HGFAC: variants seen among roughly 807,000 people sequenced by gnomAD.
HGFAC encodes hepatocyte growth factor activator serine protease.
Under a neutral mutation model 70.6 loss-of-function variants are expected in HGFAC, and 76 were observed. The ratio of observed to expected loss-of-function variants is 1.08; its 90% CI spans 0.89 to 1.30. The LOEUF is 1.30. HGFAC is among the 50% of genes most tolerant of loss of function. The pLI is 0.00. For missense variants in HGFAC, 1,044 were observed against 933.7 expected, an observed-to-expected ratio of 1.12 and a Z score of -1.54; for synonymous variants, 464 against 405.3, an observed-to-expected ratio of 1.14 and a Z score of -1.74.
Position 3,443,365 on chromosome 4 carries a change from C to T in HGFAC, c.420C>T (p.Asp140=). The change falls in exon 4 of 14, where the codon GAC becomes GAT. Residue 140 remains aspartate (D), a synonymous_variant. Coordinates refer to ENST00000382774, the MANE Select transcript of HGFAC (RefSeq NM_001528.4). The part of the protein sequence containing the change: ...RKWCATTHNY[D]RDRAWGYCVE... ...GGTGTGCCACAACTCACAACTACGA[C>T]CGGGACAGGGCCTGGGGCTACTGTG... The T allele has an allele frequency of 1.3e-6, 2 of 1,540,138 alleles. No individual in the cohort carries two copies. The highest frequency in any genetic ancestry group is 2.4e-5 in the South Asian group (2 of 82,582).
Position 3,443,421 on chromosome 4 carries a change from G to C in HGFAC, c.475+1G>C. Reference sequence around the variant, plus strand: ...GCCACCCCGCCTCCAGGGGGCCCAGGTGGGTGCTGGGTTGGGTAGCCTGGG... The same window carrying C: ...GCCACCCCGCCTCCAGGGGGCCCAGCTGGGTGCTGGGTTGGGTAGCCTGGG... On this transcript the variant is annotated splice_donor_variant, in intron 4 of 13. Coordinates refer to ENST00000382774, the MANE Select transcript of HGFAC (RefSeq NM_001528.4). LOFTEE classifies it high-confidence loss of function. 2 of 1,470,564 alleles carry C rather than the reference G, an allele frequency of 1.4e-6. No homozygotes were observed. Among genetic ancestry groups the C allele is most frequent in the Non-Finnish European group, 1.8e-6 (2 of 1,107,962 alleles). 91.1% of individuals were successfully genotyped at this position (1,470,564 alleles called of 1,614,324 possible).
At chr4:3,441,252 G>A (rs1209769523), upstream of HGFAC, among the ~76,000 whole-genome samples, 1 of 152,172 alleles carries the variant, frequency 6.6e-6, no homozygotes, top group African/African-American at 2.4e-5. The surrounding 1 kb of genome is among the most constrained non-coding windows in gnomAD (Gnocchi z 6.0). Flanking sequence ...GGGGAGCTGG[G>A]GTTGGAAAGG....
At chr4:3,449,199 C>A (rs764178319) in intron 13 of HGFAC, 38 bp from the exon 14 acceptor site, 1 of 1,585,710 alleles carries the variant, frequency 6.3e-7, no homozygotes, top group South Asian at 1.1e-5. Context: ...CTGAACCAGG[C>A]CCCTGGGAGG....
In HGFAC at chr4:3,444,818, G is replaced by A. The variant is rs1423648496; in HGVS notation, c.842-1G>A. 3.8e-6 allele frequency: 6 copies of A among 1,590,900 alleles called. 1 individual carries two copies. The highest frequency in any genetic ancestry group is 5.1e-6 in the Non-Finnish European group (6 of 1,167,496). ...CGGCCTCACTGCCCCTCTGCCCGCA[G>A]AGCCTGATGAGCGCTGCTTCTTGGG... On this transcript the variant is annotated splice_acceptor_variant, in intron 7 of 13. Transcript: ENST00000382774. LOFTEE classifies it high-confidence loss of function.
Position 3,443,322 on chromosome 4 carries a change from C to T in HGFAC, c.396-19C>T, listed in dbSNP as rs988244696. Reference sequence around the variant, plus strand: ...GGCCTCTGCCTGGGACCCCCATGCACGCAGGTGTCGCCCCCCAGGTGTGCC... The same window carrying T: ...GGCCTCTGCCTGGGACCCCCATGCATGCAGGTGTCGCCCCCCAGGTGTGCC... On this transcript the variant is annotated intron_variant, in intron 3 of 13. Coordinates refer to ENST00000382774, the MANE Select transcript of HGFAC (RefSeq NM_001528.4). The T allele has an allele frequency of 5.9e-5, 91 of 1,539,158 alleles. No individual in the cohort carries two copies. Among genetic ancestry groups the T allele is most frequent in the Non-Finnish European group, 7.2e-5 (82 of 1,140,758 alleles).
At position 3,443,075 on chromosome 4, in the gene HGFAC, C is replaced by A; in HGVS notation, c.324C>A (p.Cys108Ter). 6.3e-7 allele frequency: 1 copy of A among 1,599,382 alleles called. No homozygotes were observed. The highest frequency in any genetic ancestry group is 8.5e-7 in the Non-Finnish European group (1 of 1,178,602). Residue 108 changes from cysteine (C) to a stop codon, truncating the protein, a stop_gained, in exon 3 of 14, where the codon TGC becomes TGA. Transcript: ENST00000382774. LOFTEE classifies it high-confidence loss of function. ...CACTCACCGAGGACGGGAGGCCCTG[C>A]AGGTTCCCCTTCCGCTACGGGGGCC... ...AQALTEDGRP[C>*]RFPFRYGGRM... is the part of the protein sequence containing the mutation.
chr4:3,445,738 C>T, intron 9 of HGFAC: 1 of 855,986 alleles, frequency 1.2e-6, no homozygotes, highest in Non-Finnish European at 1.8e-6. Flanking sequence ...GCCCGGGGCT[C>T]TCATGTGGGG....
intron 9 of HGFAC, chr4:3,445,811 C>G (rs1312750213): frequency 6.9e-7 from 1 of 1,453,874 alleles, no homozygotes; most frequent in African/African-American, 1.4e-5. Flanking sequence ...ACAAAGGCCT[C>G]CGTGTGTCCA....
chr4:3,447,957 A>T lies in HGFAC; in HGVS notation c.1558A>T (p.Ile520Phe), dbSNP rs1466463885. The T allele has an allele frequency of 6.2e-7, 1 of 1,602,048 alleles. No homozygotes were observed. Among genetic ancestry groups the T allele is most frequent in the East Asian group, 2.3e-5 (1 of 44,268 alleles). Residue 520 changes from isoleucine (I) to phenylalanine (F), a missense_variant, in exon 12 of 14, where the codon ATC becomes TTC. By Grantham distance (21) the Ile-to-Phe change is conservative. Transcript: ENST00000382774. ...CACACGCTCGCAGTTCGTGCAGCCC[A>T]TCTGCCTGCCCGAGCCCGGCAGCAC... ...CATRSQFVQP[I>F]CLPEPGSTFP...
intron 1 of HGFAC, 45 bp from the exon 2 acceptor site, chr4:3,442,683 CTGAG>C: frequency 7.6e-7 from 1 of 1,321,626 alleles, no homozygotes; most frequent in Non-Finnish European, 1.0e-6. Context: ...CCGGCAGGAC[CTGAG>C]TGTGAGGGTC....
At chr4:3,447,787 C>T in intron 11 of HGFAC, 108 bp from the exon 12 acceptor site, 1 of 1,535,202 alleles carries the variant, frequency 6.5e-7, no homozygotes, top group Non-Finnish European at 8.9e-7. Flanking sequence ...CTGGATCTCC[C>T]AGGCTGCCCT....
chr4:3,444,112 C>G lies in HGFAC; in HGVS notation c.549C>G (p.Ser183=), dbSNP rs1476460763. The change falls in exon 5 of 14, where the codon TCC becomes TCG. Residue 183 remains serine, a synonymous_variant. Coordinates refer to ENST00000382774, the MANE Select transcript of HGFAC (RefSeq NM_001528.4). ...GCTCCAATACCCAGGACCCCCAGTC[C>G]TATCACTGCAGCTGCCCCCGGGCCT... The part of the protein sequence containing the change: ...GSCSNTQDPQ[S]YHCSCPRAFT... 6.2e-7 allele frequency: 1 copy of G among 1,612,232 alleles called. No homozygotes were observed. The highest frequency in any genetic ancestry group is 1.7e-5 in the Admixed American group (1 of 59,956).
chr4:3,442,266 C>G (rs28720738), intron 1 of HGFAC, 148 bp downstream of exon 1: 92,743 of 610,898 alleles, frequency 0.15, 7,999 homozygotes, highest in East Asian at 0.3. Context: ...AAAGCTGGCC[C>G]TCACAGGGCA....
At chr4:3,447,783 C>T (rs1725567438) in intron 11 of HGFAC, 112 bp from the exon 12 acceptor site, 25 of 1,531,276 alleles carry the variant, frequency 1.6e-5, no homozygotes, top group South Asian at 2.4e-5. Context: ...CCTTCTGGAT[C>T]TCCCAGGCTG....
rs188259060 is a variant in HGFAC at position 3,446,551 on chromosome 4, G to A, written c.1355+257G>A. Among the ~76,000 whole-genome samples the A allele has an allele frequency of 2.3e-4, 35 of 152,244 alleles. 1 individual carries two copies. Among genetic ancestry groups the A allele is most frequent in the Non-Finnish European group, 4.3e-4 (29 of 67,980 alleles). Reference sequence around the variant, plus strand: ...GTGGCATTTCCACAGAGGACCCAGCGCCTGCGGAGAGTGCAGTGGGCCAGG... The same window carrying A: ...GTGGCATTTCCACAGAGGACCCAGCACCTGCGGAGAGTGCAGTGGGCCAGG... On this transcript the variant is annotated intron_variant, in intron 10 of 13. Coordinates refer to ENST00000382774, the MANE Select transcript of HGFAC (RefSeq NM_001528.4).
rs1725451429 is a variant in HGFAC at position 3,444,981 on chromosome 4, A to T, written c.1004A>T (p.His335Leu). The change falls in exon 8 of 14, where the codon CAT becomes CTT. Residue 335 changes from histidine to leucine, a missense_variant. His to Leu is a moderately conservative substitution (Grantham distance 99, BLOSUM62 -3). Transcript: ENST00000382774. ...GCGGCCCTGCTGGGCCTGGGCCCCC[A>T]TGCCTACTGCCGGTCAGCACCACGC... Reference protein sequence around the residue: ...GAAALLGLGPHAYCRNPDNDE... With the variant: ...GAAALLGLGPLAYCRNPDNDE... 6.3e-7 allele frequency: 1 copy of T among 1,593,646 alleles called. No individual in the cohort carries two copies. Among genetic ancestry groups the T allele is most frequent in the African/African-American group, 1.3e-5 (1 of 74,400 alleles).
chr4:3,441,603 G>A (rs910952595), upstream of HGFAC, among the ~76,000 whole-genome samples: 8 of 152,234 alleles, frequency 5.3e-5, no homozygotes, highest in South Asian at 2.1e-4. This position sits in a 1 kb window ranked among gnomAD's most constrained non-coding sequence, Gnocchi z 6.0. Flanking sequence ...CCCAGCGCCC[G>A]TAGTGGCTCT....
At position 3,442,930 on chromosome 4, in the gene HGFAC, GGGA is replaced by G. The variant is rs1198374340; in HGVS notation, c.298+24_298+26del. On this transcript the variant is annotated intron_variant, in intron 2 of 13. Transcript: ENST00000382774. ...GGCCCAAGGTGGGTCAGGTGGGCCTGGGAGGAGGTGTCGTGCTTCACCTTAGGG... is the reference window on the plus strand; with the variant it reads ...GGCCCAAGGTGGGTCAGGTGGGCCTGGGAGGTGTCGTGCTTCACCTTAGGG... 3.2e-6 allele frequency: 5 copies of G among 1,562,018 alleles called. No individual in the cohort carries two copies. The highest frequency in any genetic ancestry group is 4.3e-6 in the Non-Finnish European group (5 of 1,154,002).
chr4:3,444,076 T>C lies in HGFAC; in HGVS notation c.513T>C (p.Asn171=). 1 of 1,610,842 alleles carries C rather than the reference T, an allele frequency of 6.2e-7. No homozygotes were observed. The highest frequency in any genetic ancestry group is 8.5e-7 in the Non-Finnish European group (1 of 1,179,178). ...LDPCASGPCL[N]GGSCSNTQDP... ...CCTGTGCCTCCGGCCCCTGCCTCAA[T>C]GGAGGCTCCTGCTCCAATACCCAGG... is the stretch of plus-strand genomic sequence containing the variant. The change falls in exon 5 of 14, where the codon AAT becomes AAC. Residue 171 remains asparagine, a synonymous_variant. Transcript: ENST00000382774.
Sources: gnomAD v4.1 joint callset for allele counts (sites outside exome capture counted in the v4.1 genomes callset) on GRCh38, gnomAD v4.1.1 for gene constraint, Gnocchi (gnomAD v3.1) non-coding constraint, MANE v1.5 for transcripts, NCBI Gene and HGNC (gene_info 2026-07-23, HGNC 2026-07-21) for gene names.